Variants in PPFIBP1 observed in about 807,000 individuals in gnomAD.
PPFIBP1 encodes the protein liprin-beta-1.
A neutral mutation model predicts 137.8 loss-of-function variants in PPFIBP1; 112 were observed. The observed-to-expected ratio is 0.81, with a 90% CI of 0.70 to 0.95. The LOEUF is 0.95. Ranked by LOEUF, PPFIBP1 falls within the 40% of genes least tolerant of loss-of-function variation. The pLI is 0.00. For synonymous variants in PPFIBP1, 378 were observed against 417.3 expected (o/e 0.91, Z 1.15); for missense variants, 1,083 against 1,196.6 (o/e 0.91, Z 1.40).
intron 1 of PPFIBP1, among the ~76,000 whole-genome samples, chr12:27,562,005 G>A (rs939413462): frequency 4.6e-5 from 7 of 152,086 alleles, no homozygotes; most frequent in Non-Finnish European, 1.0e-4. Flanking sequence ...AGCCGTGATT[G>A]CCACAGCACT....
intron 20 of PPFIBP1, 117 bp from the exon 21 acceptor site, chr12:27,679,816 T>C: frequency 7.1e-7 from 1 of 1,411,670 alleles, no homozygotes; most frequent in Non-Finnish European, 9.6e-7. Context: ...TTTAAATGTC[T>C]ATGTTAACAA....
At chr12:27,652,232 C>T (rs1283230530) in intron 7 of PPFIBP1, among the ~76,000 whole-genome samples, 6 of 152,052 alleles carry the variant, frequency 3.9e-5, no homozygotes, top group Non-Finnish European at 8.8e-5. Context: ...AAAATATTGG[C>T]ATGGGGAAGA....
chr12:27,691,828 T>C lies in PPFIBP1; in HGVS notation c.2765T>C (p.Met922Thr), dbSNP rs1227514989. The C allele has an allele frequency of 1.2e-6, 2 of 1,613,694 alleles. No individual in the cohort carries two copies. Among genetic ancestry groups the C allele is most frequent in the African/African-American group, 2.7e-5 (2 of 75,040 alleles). ...GATGGTGAAGAATATGTTTGTCCAATGGAATTGGGACAGGCATCAGGAAGT... is the reference window on the plus strand; with the variant it reads ...GATGGTGAAGAATATGTTTGTCCAACGGAATTGGGACAGGCATCAGGAAGT... The part of the protein sequence containing the change: ...QEDGEEYVCP[M>T]ELGQASGSAS... Residue 922 changes from methionine to threonine, a missense_variant, in exon 28 of 30, where the codon ATG (methionine) becomes ACG (threonine). By Grantham distance (81) the Met-to-Thr change is moderately conservative. Transcript: ENST00000228425.
At chr12:27,677,472 C>G (rs2060594377) in intron 19 of PPFIBP1, 1 of 236,926 alleles carries the variant, frequency 4.2e-6, no homozygotes, top group Admixed American at 4.9e-5. Context: ...TCCATGCTTA[C>G]ATTTCCCCCA....
chr12:27,655,206 C>T (rs181574182), intron 8 of PPFIBP1: 23 of 1,535,130 alleles, frequency 1.5e-5, no homozygotes, highest in East Asian at 4.9e-5. Flanking sequence ...TGAAAAGCAG[C>T]GGATGGAACA....
intron 1 of PPFIBP1, among the ~76,000 whole-genome samples, chr12:27,560,265 A>G (rs1373445791): frequency 6.6e-6 from 1 of 152,208 alleles, no homozygotes; most frequent in Non-Finnish European, 1.5e-5. Flanking sequence ...ATAAAGGATC[A>G]TGGATTTGCC....
intron 13 of PPFIBP1, among the ~76,000 whole-genome samples, chr12:27,671,183 G>A (rs1467604231): frequency 3.9e-5 from 6 of 152,052 alleles, no homozygotes; most frequent in African/African-American, 7.2e-5. Flanking sequence ...ATGGTATACC[G>A]TCTTATTCAC....
intron 2 of PPFIBP1, among the ~76,000 whole-genome samples, chr12:27,608,509 A>G (rs1394359720): frequency 1.3e-5 from 2 of 152,084 alleles, no homozygotes; most frequent in African/African-American, 2.4e-5. Flanking sequence ...ATCCCACACT[A>G]TTTTCTGATT....
In PPFIBP1 at chr12:27,664,421, G is replaced by A. The variant is rs777172369; in HGVS notation, c.966G>A (p.Thr322=). The A allele has an allele frequency of 8.1e-6, 13 of 1,612,536 alleles. No homozygotes were observed. In the African/African-American group the frequency reaches 1.1e-4, roughly 13 times the overall value. Residue 322 remains threonine (T), a synonymous_variant, in exon 12 of 30, where the codon ACG becomes ACA. Coordinates refer to ENST00000228425, the MANE Select transcript of PPFIBP1 (RefSeq NM_003622.4). ...CLNRYKKMQD[T]VVLAQGKKGK... Reference sequence around the variant, plus strand: ...ACAGGTACAAGAAAATGCAAGACACGGTGGTACTGGCCCAAGGTAAAAAAG... The same window carrying A: ...ACAGGTACAAGAAAATGCAAGACACAGTGGTACTGGCCCAAGGTAAAAAAG...
In PPFIBP1 at chr12:27,672,529, G is replaced by A. The variant is rs143888464; in HGVS notation, c.1319+46G>A. 6,422 of 1,406,082 alleles carry A rather than the reference G, an allele frequency of 4.6e-3. 19 individuals are homozygous for A. Among genetic ancestry groups the A allele is most frequent in the Non-Finnish European group, 6.0e-3 (6,032 of 998,402 alleles). The allele number at this position is 1,406,082 out of a possible 1,614,324, so 87.1% of individuals were successfully genotyped here. A position where few individuals can be genotyped will look rare whatever the true frequency, so the allele number is the denominator to read the frequency against. ...TGTGAAAAATGTGATTGAGGCTAGAGAAAGAGAGTTCTGTTATACTAACAA... is the reference window on the plus strand; with the variant it reads ...TGTGAAAAATGTGATTGAGGCTAGAAAAAGAGAGTTCTGTTATACTAACAA... On this transcript the variant is annotated intron_variant, in intron 15 of 29. Transcript: ENST00000228425.
chr12:27,565,238 C>T (rs558858471), intron 1 of PPFIBP1, among the ~76,000 whole-genome samples: 8 of 152,296 alleles, frequency 5.3e-5, no homozygotes, highest in Admixed American at 3.9e-4. Flanking sequence ...TAGGCAGGGG[C>T]TGTTGTAGAC....
intron 4 of PPFIBP1, among the ~76,000 whole-genome samples, chr12:27,638,041 G>T (rs1307459873): frequency 6.6e-6 from 1 of 152,072 alleles, no homozygotes; most frequent in Non-Finnish European, 1.5e-5. Context: ...AAGGGTGACT[G>T]CCAGGAGCTG....
chr12:27,642,643 C>T (rs2058194120), intron 4 of PPFIBP1, among the ~76,000 whole-genome samples: 1 of 152,074 alleles, frequency 6.6e-6, no homozygotes, highest in Non-Finnish European at 1.5e-5. Context: ...AGGAGAATGG[C>T]ACCATGTAAA....
intron 2 of PPFIBP1, 60 bp from the exon 3 acceptor site, chr12:27,633,302 A>C: frequency 8.6e-7 from 1 of 1,164,678 alleles, no homozygotes. Flanking sequence ...GGTGAATTAG[A>C]AACCCACTAG....
At chr12:27,633,294 T>A in intron 2 of PPFIBP1, 68 bp from the exon 3 acceptor site, 1 of 1,044,054 alleles carries the variant, frequency 9.6e-7, no homozygotes, top group Non-Finnish European at 1.5e-6. Context: ...CATTTGAAGG[T>A]GAATTAGAAA....
intron 1 of PPFIBP1, chr12:27,546,973 G>A (rs1946296695): frequency 1.3e-5 from 2 of 152,300 alleles, no homozygotes; most frequent in South Asian, 4.1e-4. Context: ...CTGTACTCCA[G>A]CCTGGGAGAC....
chr12:27,678,657 A>T (rs575988761), intron 19 of PPFIBP1, among the ~76,000 whole-genome samples: 2 of 152,084 alleles, frequency 1.3e-5, no homozygotes, highest in African/African-American at 4.8e-5. Flanking sequence ...CAGGAGTTCA[A>T]GACCAGCCTG....
At chr12:27,604,365 G>C (rs758720016) in intron 2 of PPFIBP1, among the ~76,000 whole-genome samples, 1 of 152,174 alleles carries the variant, frequency 6.6e-6, no homozygotes, top group Non-Finnish European at 1.5e-5. Flanking sequence ...GAGAATTGAG[G>C]ATGAGCAGAA....
rs577958514 is a variant in PPFIBP1 at position 27,586,497 on chromosome 12, C to A, written c.-36+8258C>A. Among the ~76,000 whole-genome samples, 7 of 152,240 alleles carry A rather than the reference C, an allele frequency of 4.6e-5. No individual in the cohort carries two copies. The East Asian group carries it at 1.4e-3, about 29-fold the overall frequency. On this transcript the variant is annotated intron_variant, in intron 2 of 29. Transcript: ENST00000228425. Reference sequence around the variant, plus strand: ...CAGATCACTTGAGGCCAGGAATTCACAACCAATCTGGCCAACATGGTGAAA... The same window carrying A: ...CAGATCACTTGAGGCCAGGAATTCAAAACCAATCTGGCCAACATGGTGAAA...
Sources: gnomAD v4.1 joint callset for allele counts (sites outside exome capture counted in the v4.1 genomes callset) on GRCh38, gnomAD v4.1.1 for gene constraint, MANE v1.5 for transcripts, NCBI Gene and HGNC (gene_info 2026-07-23, HGNC 2026-07-21) for gene names.